The following INTS2 variants were observed in gnomAD, a reference collection of about 807,000 sequenced individuals.
INTS2 encodes KIAA1287.
A neutral mutation model predicts 139.6 loss-of-function variants in INTS2; 57 were observed. The observed-to-expected ratio is 0.41, with a 90% CI of 0.33 to 0.51. INTS2 has a LOEUF of 0.51. Among genes scored for constraint, INTS2 ranks in the 20% least tolerant of loss-of-function variants. The pLI is 0.28. For synonymous variants in INTS2, 473 were observed against 493.4 expected (o/e 0.96, Z 0.55); for missense variants, 1,196 against 1,436.7 (o/e 0.83, Z 2.71).
At chr17:61,921,922 T>G in intron 3 of INTS2, 95 bp from the exon 4 acceptor site, 1 of 648,178 alleles carries the variant, frequency 1.5e-6, no homozygotes, top group South Asian at 2.3e-5. Context: ...AGATTATGTC[T>G]CTTAATGTAT....
chr17:61,906,419 G>A (rs1481966151), intron 8 of INTS2, among the ~76,000 whole-genome samples: 1 of 152,084 alleles, frequency 6.6e-6, no homozygotes, highest in Non-Finnish European at 1.5e-5. Context: ...ACCAGCTACC[G>A]ACAGACTTTG....
Position 61,895,328 on chromosome 17 carries a change from A to G in INTS2, c.1550T>C (p.Ile517Thr). Reference sequence around the variant, plus strand: ...AAAAAGAAATACCTGCTCAGTAAAAATTTCCTGTGTGAAGATTGTCTTCAT... The same window carrying G: ...AAAAAGAAATACCTGCTCAGTAAAAGTTTCCTGTGTGAAGATTGTCTTCAT... ...SRMKTIFTQEIFTEQVVTAHA... is the reference protein window; with the variant it reads ...SRMKTIFTQETFTEQVVTAHA... The change falls in exon 12 of 25, where the codon ATT becomes ACT. Residue 517 changes from isoleucine (I) to threonine (T), a missense_variant. Around this residue, in one of 3 missense-constraint regions of INTS2, gnomAD observed 1,129 missense variants for 1,341.9 expected, o/e 0.84. Coordinates refer to ENST00000251334, the MANE Select transcript of INTS2 (RefSeq NM_001351695.2). 6.3e-7 allele frequency: 1 copy of G among 1,576,644 alleles called. No homozygotes were observed.
chr17:61,902,747 T>C (rs1279820725), intron 9 of INTS2, among the ~76,000 whole-genome samples: 3 of 151,342 alleles, frequency 2.0e-5, no homozygotes, highest in Non-Finnish European at 4.4e-5. Context: ...GGAACGTGCC[T>C]TAGTCCCAGC....
chr17:61,896,110 T>A (rs2145934573), intron 11 of INTS2, among the ~76,000 whole-genome samples: 1 of 151,640 alleles, frequency 6.6e-6, no homozygotes, highest in African/African-American at 2.4e-5. Context: ...CGTGGCGGTA[T>A]GTGCCTGTAG....
rs2079211837 is a variant in INTS2 at position 61,884,926 on chromosome 17, A to T, written c.2064T>A (p.Ala688=). Residue 688 remains alanine, a synonymous_variant, in exon 16 of 25, where the codon GCT becomes GCA. Coordinates refer to ENST00000251334, the MANE Select transcript of INTS2 (RefSeq NM_001351695.2). Reference sequence around the variant, plus strand: ...CTCCCAACTCCTGCTGCAGCCCTTGAGCCTGTCGAATAAGGAATTTGATAG... The same window carrying T: ...CTCCCAACTCCTGCTGCAGCCCTTGTGCCTGTCGAATAAGGAATTTGATAG... The part of the protein sequence containing the change: ...QIPIKFLIRQ[A]QGLQQELGGL... 6.2e-7 allele frequency: 1 copy of T among 1,607,524 alleles called. No individual in the cohort carries two copies. The highest frequency in any genetic ancestry group is 8.5e-7 in the Non-Finnish European group (1 of 1,176,544).
At chr17:61,908,152 C>T (rs1033086516) in intron 7 of INTS2, among the ~76,000 whole-genome samples, 1 of 152,152 alleles carries the variant, frequency 6.6e-6, no homozygotes, top group African/African-American at 2.4e-5. Flanking sequence ...CAGTGGTTCA[C>T]GCCTGTAATC....
intron 9 of INTS2, among the ~76,000 whole-genome samples, chr17:61,902,858 T>TAAAAAAAAAAA (rs1049738346): frequency 1.0e-5 from 1 of 98,088 alleles, no homozygotes. Context: ...TGAAAGAGCT[T>TAAAAAAAAAAA]AAAAAAAAAA....
intron 13 of INTS2, among the ~76,000 whole-genome samples, chr17:61,892,713 G>A (rs1226075270): frequency 6.6e-5 from 10 of 151,814 alleles, no homozygotes; most frequent in Non-Finnish European, 1.3e-4. Context: ...GGGAGGCCGA[G>A]GTGGGTGGAT....
intron 8 of INTS2, among the ~76,000 whole-genome samples, chr17:61,906,053 A>G (rs1309559651): frequency 6.6e-6 from 1 of 152,134 alleles, no homozygotes; most frequent in Non-Finnish European, 1.5e-5. Context: ...TTTGGAATAT[A>G]ATGTTCCAAA....
chr17:61,922,441 C>A lies in INTS2; in HGVS notation c.433-614G>T, dbSNP rs1452043424. Among the ~76,000 whole-genome samples the A allele has an allele frequency of 4.0e-5, 5 of 124,322 alleles. No homozygotes were observed. The South Asian group carries it at 9.7e-4, about 24-fold the overall frequency. 81.6% of individuals were successfully genotyped at this position (124,322 alleles called of 152,430 possible). A position where few individuals can be genotyped will look rare whatever the true frequency, so the allele number is the denominator to read the frequency against. On this transcript the variant is annotated intron_variant, in intron 3 of 24. Transcript: ENST00000251334. ...CGAGATAGCACCACTGCACTCCACA[C>A]TGGGAGACAGAATGAGACTCCGTCT...
intron 11 of INTS2, among the ~76,000 whole-genome samples, chr17:61,896,187 C>T (rs1293163463): frequency 6.7e-6 from 1 of 148,494 alleles, no homozygotes; most frequent in Non-Finnish European, 1.5e-5. Context: ...TTGCAGTGAG[C>T]CGAGATCGCA....
rs2079121036 is a variant in INTS2 at position 61,875,628 on chromosome 17, AG to A, written c.2457-591del. Among the ~76,000 whole-genome samples the A allele has an allele frequency of 6.6e-6, 1 of 152,178 alleles. No homozygotes were observed. The highest frequency in any genetic ancestry group is 1.5e-5 in the Non-Finnish European group (1 of 68,046). On this transcript the variant is annotated intron_variant, in intron 18 of 24. Coordinates refer to ENST00000251334, the MANE Select transcript of INTS2 (RefSeq NM_001351695.2). The surrounding 1 kb of genome is among the most constrained non-coding windows in gnomAD (Gnocchi z 4.6). ...TTACAGTGAAGCCCAGGAATCCACC[AG>A]AGAACTTCCCCCTCTTAAATATGAC...
rs58141533 is a variant in INTS2, at chr17:61,914,702, C to CAAAAAAAAAAAAA, written c.650-2645_650-2633dup. The stretch of plus-strand genomic sequence containing the variant: ...TGGGCGACAGAGTGAGACTCCGTCT[C>CAAAAAAAAAAAAA]AAAAAAAAAAAAAAAAAAAAAATTA... On this transcript the variant is annotated intron_variant, in intron 5 of 24. Transcript: ENST00000251334. Among the ~76,000 whole-genome samples, 28 of 49,344 alleles carry CAAAAAAAAAAAAA rather than the reference C, an allele frequency of 5.7e-4. 1 individual carries two copies. The highest frequency in any genetic ancestry group is 1.4e-3 in the African/African-American group (21 of 14,790). The allele number at this position is 49,344 out of a possible 152,430, so 32.4% of individuals were successfully genotyped here.
intron 16 of INTS2, among the ~76,000 whole-genome samples, chr17:61,883,663 A>G (rs1368478087): frequency 6.6e-6 from 1 of 151,810 alleles, no homozygotes; most frequent in African/African-American, 2.4e-5. Flanking sequence ...GAGGCAGGAG[A>G]ATCACTTGAA....
chr17:61,923,707 T>C (rs964067323), intron 3 of INTS2, among the ~76,000 whole-genome samples: 1 of 152,058 alleles, frequency 6.6e-6, no homozygotes, highest in Non-Finnish European at 1.5e-5. Flanking sequence ...TTGAGGCAGT[T>C]TTACTCTTGT....
rs1296048748 is a variant in INTS2 at position 61,893,753 on chromosome 17, G to A, written c.1698+12C>T. 1 of 1,552,516 alleles carries A rather than the reference G, an allele frequency of 6.4e-7. No homozygotes were observed. Among genetic ancestry groups the A allele is most frequent in the South Asian group, 1.3e-5 (1 of 78,244 alleles). ...GGCATGCTTTTATTTTGTTTTATTT[G>A]TAGGGGCATACTTTTATTGACACTT... On this transcript the variant is annotated intron_variant, in intron 13 of 24. Coordinates refer to ENST00000251334, the MANE Select transcript of INTS2 (RefSeq NM_001351695.2). The surrounding 1 kb of genome is among the most constrained non-coding windows in gnomAD (Gnocchi z 5.4).
At chr17:61,920,106 T>C (rs902404544) in intron 4 of INTS2, among the ~76,000 whole-genome samples, 2 of 151,470 alleles carry the variant, frequency 1.3e-5, no homozygotes, top group African/African-American at 4.9e-5. Context: ...CTGGACAGCA[T>C]AGCATAGAAC....
intron 5 of INTS2, among the ~76,000 whole-genome samples, chr17:61,914,515 C>T (rs138090932): frequency 0.011 from 1,626 of 152,106 alleles, 17 homozygotes; most frequent in Middle Eastern, 0.024. Flanking sequence ...CTGGCTAACA[C>T]GGTGAAACCG....
chr17:61,880,975 G>A (rs1460200824), intron 17 of INTS2, 32 bp downstream of exon 17: 1 of 1,543,338 alleles, frequency 6.5e-7, no homozygotes, highest in East Asian at 2.3e-5. Flanking sequence ...TACTACAAAA[G>A]GGGTTAAAGG....
Sources: allele counts gnomAD v4.1 joint callset (sites outside exome capture counted in the v4.1 genomes callset), GRCh38; gene constraint gnomAD v4.1.1; regional missense constraint gnomAD v4.1.1; non-coding constraint Gnocchi (gnomAD v3.1); transcripts MANE v1.5; gene names NCBI Gene and HGNC (gene_info 2026-07-23, HGNC 2026-07-21).